Variants in DTNB observed in about 807,000 individuals in gnomAD.
DTNB encodes the protein DTN-B.
A neutral mutation model predicts 90.7 loss-of-function variants in DTNB; 63 were observed. The observed-to-expected ratio is 0.69, with a 90% CI of 0.57 to 0.86. The LOEUF (loss-of-function observed/expected upper bound fraction) is 0.86. Among genes scored for constraint, DTNB ranks in the 40% least tolerant of loss-of-function variants. The probability of loss-of-function intolerance (pLI) is 0.00; values close to 1 mark genes in which losing one functional copy is unlikely to be tolerated. For synonymous variants in DTNB, 277 were observed against 286.7 expected (o/e 0.97, Z 0.34); for missense variants, 744 against 807.1 (o/e 0.92, Z 0.95).
intron 9 of DTNB, among the ~76,000 whole-genome samples, chr2:25,523,803 T>C (rs1456829327): frequency 6.6e-6 from 1 of 152,056 alleles, no homozygotes; most frequent in East Asian, 1.9e-4. Flanking sequence ...ACTGATCAGA[T>C]GTATTAGGGA....
chr2:25,563,187 C>T (rs912114294), intron 8 of DTNB, among the ~76,000 whole-genome samples: 18 of 152,188 alleles, frequency 1.2e-4, no homozygotes, highest in African/African-American at 4.1e-4. Context: ...ACTTTTTCAT[C>T]GTGCAAATCT....
chr2:25,658,662 G>A (rs965183912), intron 1 of DTNB, among the ~76,000 whole-genome samples: 4 of 152,216 alleles, frequency 2.6e-5, no homozygotes, highest in African/African-American at 4.8e-5. Context: ...AAAAGCCAGT[G>A]TGAAAAGGCT....
chr2:25,410,693 C>T (rs868596846), intron 16 of DTNB, among the ~76,000 whole-genome samples: 15 of 152,104 alleles, frequency 9.9e-5, no homozygotes, highest in African/African-American at 3.4e-4. Context: ...CCTGCCATGA[C>T]GAGGCGGGGG....
At chr2:25,615,200 CG>C (rs1177968676) in intron 4 of DTNB, among the ~76,000 whole-genome samples, 3 of 152,100 alleles carry the variant, frequency 2.0e-5, no homozygotes, top group Non-Finnish European at 4.4e-5. Flanking sequence ...GTGTGTTTTA[CG>C]GGAAGGGGCA....
intron 9 of DTNB, among the ~76,000 whole-genome samples, chr2:25,499,438 C>T (rs2150548714): frequency 6.6e-6 from 1 of 152,218 alleles, no homozygotes; most frequent in South Asian, 2.1e-4. Context: ...CCACATGGTG[C>T]TTCAGTGACC....
chr2:25,440,086 G>A (rs1273374737), intron 12 of DTNB, among the ~76,000 whole-genome samples: 1 of 152,122 alleles, frequency 6.6e-6, no homozygotes, highest in Non-Finnish European at 1.5e-5. Flanking sequence ...AGCATCTAGA[G>A]CAAAAGATGC....
chr2:25,652,827 C>G, intron 1 of DTNB, 166 bp from the exon 2 acceptor site: 1 of 545,958 alleles, frequency 1.8e-6, no homozygotes. Context: ...AGATAAACTG[C>G]CATCCTTTTA....
intron 9 of DTNB, among the ~76,000 whole-genome samples, chr2:25,492,538 A>G (rs2150479043): frequency 6.6e-6 from 1 of 152,286 alleles, no homozygotes; most frequent in Non-Finnish European, 1.5e-5. Flanking sequence ...TCGTGTAGAC[A>G]AAATTTCTAC....
chr2:25,378,145 C>T (rs1428297365), intron 20 of DTNB, among the ~76,000 whole-genome samples: 2 of 152,166 alleles, frequency 1.3e-5, no homozygotes, highest in African/African-American at 4.8e-5. Context: ...CCTTCTGCCC[C>T]GGGGAGAGAG....
At chr2:25,404,126 T>C (rs905564900) in intron 16 of DTNB, among the ~76,000 whole-genome samples, 1 of 152,166 alleles carries the variant, frequency 6.6e-6, no homozygotes, top group African/African-American at 2.4e-5. Context: ...GTTCTTCTAC[T>C]TTGAAAGGTG....
intron 4 of DTNB, among the ~76,000 whole-genome samples, chr2:25,619,784 G>A (rs926459420): frequency 3.3e-5 from 5 of 152,218 alleles, no homozygotes; most frequent in African/African-American, 1.2e-4. Context: ...GCTCAAGCCT[G>A]TAATCCTAGC....
At chr2:25,398,587 G>C (rs1351233001) in intron 16 of DTNB, among the ~76,000 whole-genome samples, 1 of 152,208 alleles carries the variant, frequency 6.6e-6, no homozygotes, top group Non-Finnish European at 1.5e-5. Flanking sequence ...TCTTGGATGA[G>C]ATATACATCA....
At chr2:25,619,760 G>A (rs2071921806) in intron 4 of DTNB, among the ~76,000 whole-genome samples, 1 of 152,188 alleles carries the variant, frequency 6.6e-6, no homozygotes. Context: ...CTTGGGTTGA[G>A]GCCGGGTGCA....
chr2:25,421,693 G>A (rs1044322583), intron 15 of DTNB, among the ~76,000 whole-genome samples: 1 of 152,216 alleles, frequency 6.6e-6, no homozygotes, highest in African/African-American at 2.4e-5. Context: ...AGACCAGTAT[G>A]TAATTTCTTA....
chr2:25,594,839 G>A (rs944483191), intron 6 of DTNB: 1 of 151,984 alleles, frequency 6.6e-6, no homozygotes, highest in Admixed American at 6.6e-5. Context: ...AAATAATTAC[G>A]TACAAATATC....
At chr2:25,410,549 T>C (rs898681457) in intron 16 of DTNB, among the ~76,000 whole-genome samples, 1 of 152,180 alleles carries the variant, frequency 6.6e-6, no homozygotes, top group Admixed American at 6.5e-5. Flanking sequence ...TCATCTATGA[T>C]GCTTTCCCAG....
chr2:25,392,881 C>A lies in DTNB; in HGVS notation c.1576-4520G>T, dbSNP rs146682772. ...AAAGATAGAAAAAGAGGGAATCCTG[C>A]GTAAATCATTCTACGAAGCCAGTAT... On this transcript the variant is annotated intron_variant, in intron 16 of 20. Coordinates refer to ENST00000406818, the MANE Select transcript of DTNB (RefSeq NM_021907.5). Among the ~76,000 whole-genome samples, 7 of 152,250 alleles carry A rather than the reference C, an allele frequency of 4.6e-5. No individual in the cohort carries two copies. In the East Asian group the frequency reaches 5.8e-4, roughly 13 times the overall value.
intron 16 of DTNB, among the ~76,000 whole-genome samples, chr2:25,410,934 C>CTT (rs34571788): frequency 3.8e-5 from 5 of 132,492 alleles, no homozygotes; most frequent in South Asian, 2.4e-4. Context: ...ACTGCCTTTT[C>CTT]TTTTTTTTTT....
At chr2:25,542,715 G>A (rs1035312243) in intron 8 of DTNB, among the ~76,000 whole-genome samples, 1 of 151,946 alleles carries the variant, frequency 6.6e-6, no homozygotes, top group Non-Finnish European at 1.5e-5. Context: ...TTATTATTTG[G>A]GTGTTCTATT....
Sources: allele counts gnomAD v4.1 joint callset (sites outside exome capture counted in the v4.1 genomes callset), GRCh38; gene constraint gnomAD v4.1.1; transcripts MANE v1.5; gene names NCBI Gene and HGNC (gene_info 2026-07-23, HGNC 2026-07-21).